DGCR2: variants seen among roughly 807,000 people sequenced by gnomAD.
DGCR2 encodes DiGeorge syndrome critical region gene 2.
In DGCR2, 24 loss-of-function variants were observed where a neutral mutation model predicts 51.6. The ratio of observed to expected loss-of-function variants is 0.47; its 90% confidence interval spans 0.34 to 0.65. The LOEUF is 0.65. DGCR2 is among the 30% of genes least tolerant of loss of function. The probability of loss-of-function intolerance (pLI) is 0.01; values close to 1 mark genes in which losing one functional copy is unlikely to be tolerated. For missense variants in DGCR2, 765 were observed against 772.1 expected, an observed-to-expected ratio of 0.99 and a Z score of 0.11; for synonymous variants, 340 against 315.4, an observed-to-expected ratio of 1.08 and a Z score of -0.82.
intron 1 of DGCR2, among the ~76,000 whole-genome samples, chr22:19,106,914 A>T (rs2083266068): frequency 6.6e-6 from 1 of 151,952 alleles, no homozygotes; most frequent in Non-Finnish European, 1.5e-5. Flanking sequence ...AGCAGTCAGC[A>T]GAGCCTCTGG....
chr22:19,105,794 G>A (rs563566702), intron 1 of DGCR2, among the ~76,000 whole-genome samples: 11 of 152,258 alleles, frequency 7.2e-5, no homozygotes, highest in Admixed American at 7.2e-4. Context: ...GACCATCCCA[G>A]AACCAACTGT....
chr22:19,092,037 CA>C (rs1361009131), intron 1 of DGCR2, among the ~76,000 whole-genome samples: 1 of 148,394 alleles, frequency 6.7e-6, no homozygotes, highest in Non-Finnish European at 1.5e-5. Flanking sequence ...GTCTGATCAG[CA>C]AAAAAAAATA....
chr22:19,087,264 G>A (rs1053739348), intron 2 of DGCR2, among the ~76,000 whole-genome samples: 1 of 152,176 alleles, frequency 6.6e-6, no homozygotes, highest in Non-Finnish European at 1.5e-5. Flanking sequence ...CTGTCCCAGA[G>A]GCTCCTGACC....
chr22:19,057,503 T>C lies in DGCR2; in HGVS notation c.626-341A>G, dbSNP rs555027858. On this transcript the variant is annotated intron_variant, in intron 5 of 9. Coordinates refer to ENST00000263196, the MANE Select transcript of DGCR2 (RefSeq NM_005137.3). This position sits in a 1 kb window ranked among gnomAD's most constrained non-coding sequence, Gnocchi z 5.1. ...GAGCAACAGCATAATAACAAAGTAATGGATTGTGGCACACTGGATTAAAAT... is the reference window on the plus strand; with the variant it reads ...GAGCAACAGCATAATAACAAAGTAACGGATTGTGGCACACTGGATTAAAAT... Among the ~76,000 whole-genome samples the C allele has an allele frequency of 1.3e-5, 2 of 152,256 alleles. No homozygotes were observed. The highest frequency in any genetic ancestry group is 3.4e-3 in the Middle Eastern group (1 of 294).
chr22:19,115,068 C>A (rs1454663158), intron 1 of DGCR2, among the ~76,000 whole-genome samples: 1 of 152,174 alleles, frequency 6.6e-6, no homozygotes, highest in Non-Finnish European at 1.5e-5. Flanking sequence ...CAACAGCTAC[C>A]GCAGGCAGAG....
At chr22:19,069,594 A>G (rs1016588478) in intron 2 of DGCR2, among the ~76,000 whole-genome samples, 2 of 152,214 alleles carry the variant, frequency 1.3e-5, no homozygotes, top group Non-Finnish European at 2.9e-5. Context: ...TTAAGACTAT[A>G]AACAGCTTTC....
At position 19,068,084 on chromosome 22, in the gene DGCR2, C is replaced by G; in HGVS notation, c.328+16G>C. 6.4e-7 allele frequency: 1 copy of G among 1,557,304 alleles called. No homozygotes were observed. Among genetic ancestry groups the G allele is most frequent in the Non-Finnish European group, 8.7e-7 (1 of 1,153,116 alleles). ...GCACTCCCCAGTGTCCCAGTCAGGGCAGGTCTGCAACTTACTGCTGAAGCG... is the reference window on the plus strand; with the variant it reads ...GCACTCCCCAGTGTCCCAGTCAGGGGAGGTCTGCAACTTACTGCTGAAGCG... On this transcript the variant is annotated intron_variant, in intron 3 of 9. Transcript: ENST00000263196.
At chr22:19,108,213 A>G (rs1218808332) in intron 1 of DGCR2, among the ~76,000 whole-genome samples, 1 of 152,202 alleles carries the variant, frequency 6.6e-6, no homozygotes, top group Admixed American at 6.5e-5. Context: ...GACCATAACA[A>G]GAAAAAATGA....
At chr22:19,103,402 CA>C (rs2083225560) in intron 1 of DGCR2, among the ~76,000 whole-genome samples, 1 of 112,224 alleles carries the variant, frequency 8.9e-6, no homozygotes, top group Admixed American at 9.6e-5. Flanking sequence ...TATTTTACCA[CA>C]ATAAAAAAAG....
intron 2 of DGCR2, among the ~76,000 whole-genome samples, chr22:19,079,894 TC>T (rs1697096927): frequency 6.6e-6 from 1 of 152,234 alleles, no homozygotes; most frequent in Non-Finnish European, 1.5e-5. Flanking sequence ...GATGTTTTCT[TC>T]TAGATCTGGT....
chr22:19,098,015 C>T (rs1430853430), intron 1 of DGCR2, among the ~76,000 whole-genome samples: 1 of 152,218 alleles, frequency 6.6e-6, no homozygotes, highest in Non-Finnish European at 1.5e-5. Context: ...CTCCTTACAA[C>T]CAGACAGCTC....
At chr22:19,044,971 A>G (rs1034984417) in intron 7 of DGCR2, among the ~76,000 whole-genome samples, 1 of 146,682 alleles carries the variant, frequency 6.8e-6, no homozygotes, top group Non-Finnish European at 1.5e-5. Context: ...AGAAGTTTTC[A>G]ATTTTGATGA....
intron 1 of DGCR2, among the ~76,000 whole-genome samples, chr22:19,103,526 G>T (rs1461641262): frequency 1.4e-5 from 2 of 141,594 alleles, no homozygotes; most frequent in African/African-American, 5.2e-5. Flanking sequence ...CGCCTCCCGG[G>T]TTCATGCCCT....
rs540313423 is a variant in DGCR2 at position 19,038,922 on chromosome 22, T to C, written c.1596A>G (p.Ala532=). 6.2e-7 allele frequency: 1 copy of C among 1,612,776 alleles called. No individual in the cohort carries two copies. Among genetic ancestry groups the C allele is most frequent in the East Asian group, 2.2e-5 (1 of 44,870 alleles). Residue 532 remains alanine, a synonymous_variant, in exon 10 of 10, where the codon GCA becomes GCG. Coordinates refer to ENST00000263196, the MANE Select transcript of DGCR2 (RefSeq NM_005137.3). ...GGCGGCCACCCCCTGGCAGTGCCTC[T>C]GCAGCTGGGGTGCTCCCGCTCTGGG... The part of the protein sequence containing the change: ...DPAQSGSTPA[A]EALPGGGRHS...
intron 2 of DGCR2, among the ~76,000 whole-genome samples, chr22:19,069,372 A>T (rs910704937): frequency 4.6e-5 from 7 of 152,254 alleles, no homozygotes; most frequent in African/African-American, 1.7e-4. Context: ...TTTATTTAAT[A>T]AAAAATCCAC....
At position 19,038,918 on chromosome 22, in the gene DGCR2, C is replaced by T; in HGVS notation, c.1600G>A (p.Ala534Thr). ...CTGTGGCGGCCACCCCCTGGCAGTG[C>T]CTCTGCAGCTGGGGTGCTCCCGCTC... Reference protein sequence around the residue: ...AQSGSTPAAEALPGGGRHSRS... With the variant: ...AQSGSTPAAETLPGGGRHSRS... The change falls in exon 10 of 10, where the codon GCA (alanine) becomes ACA (threonine). Residue 534 changes from alanine to threonine, a missense_variant. Physicochemically the swap from Ala to Thr is moderately conservative, Grantham distance 58. This residue lies in a region of DGCR2 where 205 missense variants were observed against 181.4 expected (regional missense o/e 1.13). Transcript: ENST00000263196. The T allele has an allele frequency of 6.2e-7, 1 of 1,612,796 alleles. No individual in the cohort carries two copies. The highest frequency in any genetic ancestry group is 1.1e-5 in the South Asian group (1 of 91,040).
In DGCR2 at chr22:19,057,287, T is replaced by C; in HGVS notation, c.626-125A>G. 1 of 1,059,662 alleles carries C rather than the reference T, an allele frequency of 9.4e-7. No homozygotes were observed. The highest frequency in any genetic ancestry group is 1.7e-5 in the South Asian group (1 of 58,486). 65.6% of individuals were successfully genotyped at this position (1,059,662 alleles called of 1,614,324 possible). ...CAGGGCCTGGACCGCCAAGTACTGG[T>C]GGTCACTGTGGCCAGGTGTTCACTC... is the stretch of plus-strand genomic sequence containing the variant. On this transcript the variant is annotated intron_variant, in intron 5 of 9. Coordinates refer to ENST00000263196, the MANE Select transcript of DGCR2 (RefSeq NM_005137.3). This position sits in a 1 kb window ranked among gnomAD's most constrained non-coding sequence, Gnocchi z 5.1.
At chr22:19,092,390 G>C (rs2083088889) in intron 1 of DGCR2, among the ~76,000 whole-genome samples, 1 of 152,024 alleles carries the variant, frequency 6.6e-6, no homozygotes, top group Non-Finnish European at 1.5e-5. Context: ...CATCACTGTG[G>C]ATTCCAGAGA....
Position 19,122,268 on chromosome 22 carries a change from AG to A in DGCR2, c.-63del. ...GCCGGACCAGGCCGGACTGAGGGTC[AG>A]GGGACCGTGCCAAGCGGAGGGTCAG... On this transcript the variant is annotated 5_prime_UTR_variant, in exon 1 of 10. Transcript: ENST00000263196. The A allele has an allele frequency of 1.5e-6, 2 of 1,343,706 alleles. No homozygotes were observed. The highest frequency in any genetic ancestry group is 2.8e-5 in the Admixed American group (1 of 36,258). The allele number at this position is 1,343,706 out of a possible 1,614,324, so 83.2% of individuals were successfully genotyped here.
Sources: gnomAD v4.1 joint callset for allele counts (sites outside exome capture counted in the v4.1 genomes callset) on GRCh38, gnomAD v4.1.1 for gene constraint, gnomAD v4.1.1 regional missense constraint, Gnocchi (gnomAD v3.1) non-coding constraint, MANE v1.5 for transcripts, NCBI Gene and HGNC (gene_info 2026-07-23, HGNC 2026-07-21) for gene names.